HERC4: variants seen among roughly 807,000 people sequenced by gnomAD.
The protein encoded by HERC4 is probable E3 ubiquitin-protein ligase HERC4.
A neutral mutation model predicts 124.3 loss-of-function variants in HERC4; 28 were observed. That is an observed-to-expected ratio of 0.23 (90% CI 0.17 to 0.31). HERC4 has a LOEUF of 0.31. Ranked by LOEUF, HERC4 falls within the 10% of genes least tolerant of loss-of-function variation. The pLI is 1.00. For missense variants in HERC4, 713 were observed against 1,229.3 expected (o/e 0.58, Z 6.28); for synonymous variants, 407 against 421.5 (o/e 0.97, Z 0.42).
chr10:67,988,773 C>G lies in HERC4; in HGVS notation c.1696G>C (p.Val566Leu). ...TAGAGTTTCAAAAGATGTACCACAA[C>G]TTCCTTAAAAAGTTCTACTATCTTG... ...FLKIVELFKE[V>L]VVHLLKLYKI... The change falls in exon 15 of 25, where the codon GTT becomes CTT. Residue 566 changes from valine (V) to leucine (L), a missense_variant. Val to Leu is a conservative substitution (Grantham distance 32). Coordinates refer to ENST00000373700, the MANE Select transcript of HERC4 (RefSeq NM_015601.4). 6.2e-7 allele frequency: 1 copy of G among 1,607,742 alleles called. No individual in the cohort carries two copies. Among genetic ancestry groups the G allele is most frequent in the Non-Finnish European group, 8.5e-7 (1 of 1,176,632 alleles).
At chr10:68,007,927 C>T (rs1429667468) in intron 9 of HERC4, 2 of 152,370 alleles carry the variant, frequency 1.3e-5, no homozygotes, top group Non-Finnish European at 2.9e-5. Flanking sequence ...CAGCAGAGCA[C>T]ATTACAGCCC....
chr10:67,958,289 T>C (rs554683930), intron 16 of HERC4, among the ~76,000 whole-genome samples: 1 of 152,348 alleles, frequency 6.6e-6, no homozygotes, highest in South Asian at 2.1e-4. Context: ...CATCCTATAT[T>C]TGTGGCACTG....
intron 15 of HERC4, among the ~76,000 whole-genome samples, chr10:67,979,936 CAAAAAAAAAA>C (rs2035828946): frequency 8.0e-6 from 1 of 124,630 alleles, no homozygotes; most frequent in African/African-American, 3.0e-5. Context: ...GACTCCATCT[CAAAAAAAAAA>C]GAAAAAAAAA....
At chr10:67,978,733 G>T (rs758720681) in intron 15 of HERC4, among the ~76,000 whole-genome samples, 33 of 152,152 alleles carry the variant, frequency 2.2e-4, no homozygotes, top group Admixed American at 9.8e-4. Flanking sequence ...CGCCACAGGG[G>T]TGCTTGTGTC....
intron 8 of HERC4, among the ~76,000 whole-genome samples, chr10:68,020,445 G>A (rs186538197): frequency 5.3e-5 from 8 of 151,974 alleles, no homozygotes; most frequent in African/African-American, 1.4e-4. Context: ...TGAACAAAAC[G>A]GAAATATCAA....
intron 19 of HERC4, among the ~76,000 whole-genome samples, chr10:67,941,384 T>G (rs2032876805): frequency 6.6e-6 from 1 of 152,160 alleles, no homozygotes; most frequent in Non-Finnish European, 1.5e-5. Context: ...ATAAGCATAT[T>G]CATGTCATTC....
intron 3 of HERC4, among the ~76,000 whole-genome samples, chr10:68,072,443 G>C (rs1420955238): frequency 6.6e-6 from 1 of 152,034 alleles, no homozygotes; most frequent in Non-Finnish European, 1.5e-5. Context: ...GGGATAAAAA[G>C]AATAAAAATA....
At chr10:67,976,153 ATACT>A (rs1249667409) in intron 15 of HERC4, among the ~76,000 whole-genome samples, 1 of 152,196 alleles carries the variant, frequency 6.6e-6, no homozygotes, top group Non-Finnish European at 1.5e-5. Flanking sequence ...AAAGCATAAA[ATACT>A]TACTATCTGG....
At chr10:68,010,299 TAGCCTGGGGTACCAAAATGGG>T in intron 9 of HERC4, 1 of 968,820 alleles carries the variant, frequency 1.0e-6, no homozygotes, top group Non-Finnish European at 1.6e-6. Flanking sequence ...AGGGCTCCCA[TAGCCTGGGGTACCAAAATGGG>T]AGCCTGGGGC....
intron 15 of HERC4, among the ~76,000 whole-genome samples, chr10:67,983,082 A>C (rs2036033329): frequency 6.6e-6 from 1 of 151,850 alleles, no homozygotes; most frequent in Non-Finnish European, 1.5e-5. Flanking sequence ...GAGCAAAAAA[A>C]AAAAAAAACA....
chr10:67,950,597 A>G (rs1475478388), intron 19 of HERC4, among the ~76,000 whole-genome samples: 55 of 152,160 alleles, frequency 3.6e-4, no homozygotes, highest in Admixed American at 3.6e-3. Flanking sequence ...ATTTAAGTAA[A>G]TATCTTAAAG....
At chr10:67,991,984 G>A (rs1020006393) in intron 11 of HERC4, among the ~76,000 whole-genome samples, 1 of 151,864 alleles carries the variant, frequency 6.6e-6, no homozygotes. Context: ...CTGCAGCCTC[G>A]ACCTCCTGGG....
chr10:68,059,634 ATATTATATATTATAT>A lies in HERC4; in HGVS notation c.226+13234_226+13248del, dbSNP rs1168946845. Among the ~76,000 whole-genome samples the A allele has an allele frequency of 4.5e-3, 371 of 82,052 alleles. 81 individuals are homozygous for A. Among genetic ancestry groups the A allele is most frequent in the African/African-American group, 0.025 (343 of 13,676 alleles). The allele number at this position is 82,052 out of a possible 152,430, so 53.8% of individuals were successfully genotyped here. ...ATATATCATAATATTATATATCATA[ATATTATATATTATAT>A]TATATATCATATTATATATTATATT... On this transcript the variant is annotated intron_variant, in intron 3 of 24. Transcript: ENST00000373700.
intron 23 of HERC4, among the ~76,000 whole-genome samples, chr10:67,931,996 T>A (rs940220046): frequency 6.6e-6 from 1 of 152,154 alleles, no homozygotes; most frequent in Non-Finnish European, 1.5e-5. Flanking sequence ...CTTGCTCTGC[T>A]GCCCAGGGTG....
At chr10:68,058,110 C>A (rs1410157986) in intron 3 of HERC4, among the ~76,000 whole-genome samples, 1 of 152,048 alleles carries the variant, frequency 6.6e-6, no homozygotes, top group African/African-American at 2.4e-5. Flanking sequence ...TAATTCTTTT[C>A]TTTTTTGGTC....
chr10:67,996,085 C>T (rs1352258345), intron 9 of HERC4: 1 of 432,176 alleles, frequency 2.3e-6, no homozygotes, highest in Non-Finnish European at 4.6e-6. Context: ...GTAGGAGGAT[C>T]ACTTGAGCCC....
intron 15 of HERC4, among the ~76,000 whole-genome samples, chr10:67,986,464 T>G (rs1306702365): frequency 6.6e-6 from 1 of 152,220 alleles, no homozygotes; most frequent in African/African-American, 2.4e-5. Flanking sequence ...GCGATTCTCT[T>G]GCCTTAGCCT....
chr10:67,978,772 AACAG>A (rs2035753427), intron 15 of HERC4, among the ~76,000 whole-genome samples: 2 of 152,216 alleles, frequency 1.3e-5, no homozygotes, highest in Non-Finnish European at 2.9e-5. Flanking sequence ...GGTGCCTCAG[AACAG>A]ACAAAGTTTG....
rs1308450721 is a variant in HERC4 at position 67,922,820 on chromosome 10, G to A, written c.*111C>T. 2.6e-6 allele frequency: 2 copies of A among 761,606 alleles called. No individual in the cohort carries two copies. The highest frequency in any genetic ancestry group is 3.5e-5 in the African/African-American group (2 of 57,474). The allele number at this position is 761,606 out of a possible 1,614,324, so 47.2% of individuals were successfully genotyped here. On this transcript the variant is annotated 3_prime_UTR_variant, in exon 25 of 25. Coordinates refer to ENST00000373700, the MANE Select transcript of HERC4 (RefSeq NM_015601.4). The stretch of plus-strand genomic sequence containing the variant: ...TGAACACTCGTAGATTGAACATTCT[G>A]CAAGTAAGAATTATAATAGTACCTC...
Sources: gnomAD v4.1 joint callset for allele counts (sites outside exome capture counted in the v4.1 genomes callset) on GRCh38, gnomAD v4.1.1 for gene constraint, MANE v1.5 for transcripts, NCBI Gene and HGNC (gene_info 2026-07-23, HGNC 2026-07-21) for gene names.